ADCY1: variants seen among roughly 807,000 people sequenced by gnomAD.
ADCY1 encodes adenylate cyclase 1, also known as adenylate cyclase type 1.
In ADCY1, 28 loss-of-function variants were observed where a neutral mutation model predicts 105.4. That is an observed-to-expected ratio of 0.27 (90% CI 0.20 to 0.36). ADCY1 has a LOEUF of 0.36. Ranked by LOEUF, ADCY1 falls within the 10% of genes least tolerant of loss-of-function variation. The pLI is 1.00. For synonymous variants in ADCY1, 655 were observed against 623.8 expected (o/e 1.05, Z -0.75); for missense variants, 977 against 1,434.2 (o/e 0.68, Z 5.15).
intron 11 of ADCY1, among the ~76,000 whole-genome samples, chr7:45,683,104 G>C (rs561376394): frequency 1.3e-5 from 2 of 152,154 alleles, no homozygotes; most frequent in Admixed American, 6.5e-5. Flanking sequence ...AATGACTGGT[G>C]TCCACAGTAG....
chr7:45,628,794 G>A (rs868466955), intron 4 of ADCY1, among the ~76,000 whole-genome samples: 5 of 152,122 alleles, frequency 3.3e-5, no homozygotes, highest in South Asian at 2.1e-4. Flanking sequence ...CCGATAATGC[G>A]TGTGAGTTCT....
At chr7:45,628,984 T>C (rs545986634) in intron 4 of ADCY1, among the ~76,000 whole-genome samples, 44 of 152,318 alleles carry the variant, frequency 2.9e-4, no homozygotes, top group Admixed American at 6.5e-4. Context: ...GAGCTGCATA[T>C]GTGTACGGTT....
In ADCY1 at chr7:45,622,611, TG is replaced by T; in HGVS notation, c.909-19del. On this transcript the variant is annotated intron_variant, in intron 3 of 19. Transcript: ENST00000297323. ...CTGAGTGACTGGGAGAAGGGCAGCCTGGCACCCCTTTCTCTTGCAGCATCCT... is the reference window on the plus strand; with the variant it reads ...CTGAGTGACTGGGAGAAGGGCAGCCTGCACCCCTTTCTCTTGCAGCATCCT... 6.3e-7 allele frequency: 1 copy of T among 1,581,662 alleles called. No homozygotes were observed. The highest frequency in any genetic ancestry group is 8.7e-7 in the Non-Finnish European group (1 of 1,150,976).
intron 2 of ADCY1, among the ~76,000 whole-genome samples, chr7:45,604,587 C>A (rs1297425860): frequency 6.6e-6 from 1 of 152,098 alleles, no homozygotes; most frequent in African/African-American, 2.4e-5. Flanking sequence ...ACTACCCTTC[C>A]TCCATTGAAT....
In ADCY1 at chr7:45,598,878, C is replaced by A. The variant is rs540890905; in HGVS notation, c.789+5970C>A. The stretch of plus-strand genomic sequence containing the variant: ...ACGGAGCTCGGATTCCCACATCTCA[C>A]AAAGGCCTGTCACGTGGACGGCAGG... On this transcript the variant is annotated intron_variant, in intron 2 of 19. Transcript: ENST00000297323. Among the ~76,000 whole-genome samples the A allele has an allele frequency of 2.0e-5, 3 of 152,324 alleles. No homozygotes were observed. In the East Asian group the frequency reaches 5.8e-4, roughly 29 times the overall value.
intron 5 of ADCY1, among the ~76,000 whole-genome samples, chr7:45,651,014 C>T (rs921443278): frequency 6.6e-5 from 10 of 152,138 alleles, no homozygotes; most frequent in Non-Finnish European, 7.4e-5. Context: ...GGATTTGGTG[C>T]CTTCAGCTCC....
intron 1 of ADCY1, among the ~76,000 whole-genome samples, chr7:45,590,041 G>T (rs76997169): frequency 0.041 from 6,247 of 152,218 alleles, 205 homozygotes; most frequent in East Asian, 0.17. Context: ...TCTGAGAAAG[G>T]GTTCCTTGGG....
At chr7:45,664,358 G>A (rs1444496257) in intron 8 of ADCY1, 3 of 1,535,946 alleles carry the variant, frequency 2.0e-6, no homozygotes, top group Admixed American at 2.0e-5. Flanking sequence ...CCTGCAACGG[G>A]GACGACTGTG....
chr7:45,714,009 G>A lies in ADCY1; in HGVS notation c.*14G>A, dbSNP rs1584350945. 1 of 764,008 alleles carries A rather than the reference G, an allele frequency of 1.3e-6. No homozygotes were observed. Among genetic ancestry groups the A allele is most frequent in the South Asian group, 1.4e-5 (1 of 73,214 alleles). 47.3% of individuals were successfully genotyped at this position (764,008 alleles called of 1,614,324 possible). On this transcript the variant is annotated 3_prime_UTR_variant, in exon 20 of 20. Coordinates refer to ENST00000297323, the MANE Select transcript of ADCY1 (RefSeq NM_021116.4). ...AAGGAGGCTTAGTGGAGCCCACGTG[G>A]GCCTCTGGGGTGCACATGGGGTGGG... is the stretch of plus-strand genomic sequence containing the variant.
At chr7:45,576,833 G>A (rs1792363528) in intron 1 of ADCY1, among the ~76,000 whole-genome samples, 1 of 151,992 alleles carries the variant, frequency 6.6e-6, no homozygotes, top group South Asian at 2.1e-4. Context: ...TTGGTCCCTG[G>A]GCAGGCCCAG....
At chr7:45,698,001 A>G (rs1357171867) in intron 14 of ADCY1, among the ~76,000 whole-genome samples, 1 of 152,164 alleles carries the variant, frequency 6.6e-6, no homozygotes, top group Non-Finnish European at 1.5e-5. Context: ...TGACATCACC[A>G]CAGCCTCATT....
chr7:45,595,148 T>C (rs1003474281), intron 2 of ADCY1, among the ~76,000 whole-genome samples: 41 of 152,202 alleles, frequency 2.7e-4, no homozygotes, highest in African/African-American at 8.7e-4. Context: ...GTTTCTGAGG[T>C]ATTTTCCCAA....
Position 45,657,820 on chromosome 7 carries a change from G to A in ADCY1, c.1242G>A (p.Trp414Ter). The A allele has an allele frequency of 6.2e-7, 1 of 1,603,764 alleles. No homozygotes were observed. Among genetic ancestry groups the A allele is most frequent in the Non-Finnish European group, 8.5e-7 (1 of 1,174,212 alleles). The change falls in exon 6 of 20, where the codon TGG becomes TGA. Residue 414 changes from tryptophan (W) to a stop codon, truncating the protein, a stop_gained. Transcript: ENST00000297323. LOFTEE classifies it high-confidence loss of function. ...GTGGTGTCCTGGGCTTGCGCAAGTGGCAGTACGACGTGTGGTCCAATGATG... is the reference window on the plus strand; with the variant it reads ...GTGGTGTCCTGGGCTTGCGCAAGTGACAGTACGACGTGTGGTCCAATGATG... Reference protein sequence around the residue: ...VLCGVLGLRKWQYDVWSNDVT... With the variant: ...VLCGVLGLRK
intron 2 of ADCY1, 23 bp from the exon 3 acceptor site, chr7:45,610,356 C>G (rs1793499870): frequency 6.2e-7 from 1 of 1,605,360 alleles, no homozygotes; most frequent in African/African-American, 1.3e-5. Context: ...GCTGTCTAAC[C>G]CGGGCCCTTC....
chr7:45,704,706 GT>G lies in ADCY1; in HGVS notation c.2817+93del, dbSNP rs1785075020. The G allele has an allele frequency of 5.9e-6, 6 of 1,025,244 alleles. No individual in the cohort carries two copies. In the Admixed American group the frequency reaches 8.3e-5, roughly 14 times the overall value. The allele number at this position is 1,025,244 out of a possible 1,614,324, so 63.5% of individuals were successfully genotyped here. ...GACCCTGGGTAGCTTCCACACTGGG[GT>G]TTGTTTGCCCTCTGTGTTGGATTAC... On this transcript the variant is annotated intron_variant, in intron 17 of 19. Coordinates refer to ENST00000297323, the MANE Select transcript of ADCY1 (RefSeq NM_021116.4).
intron 5 of ADCY1, among the ~76,000 whole-genome samples, chr7:45,655,862 GT>G (rs1794926257): frequency 6.6e-6 from 1 of 152,074 alleles, no homozygotes; most frequent in Non-Finnish European, 1.5e-5. Context: ...AACGTTATTA[GT>G]ATGTTATGTT....
intron 14 of ADCY1, among the ~76,000 whole-genome samples, chr7:45,689,866 G>A (rs940494564): frequency 6.6e-5 from 10 of 152,212 alleles, no homozygotes; most frequent in African/African-American, 2.4e-4. Flanking sequence ...ATGAGGGATG[G>A]GGTTGAGGGG....
chr7:45,714,036 A>G lies in ADCY1; in HGVS notation c.*41A>G. ...CCTCTGGGGTGCACATGGGGTGGGA[A>G]TGCTCCGGGGGTGACACAGGCCACG... On this transcript the variant is annotated 3_prime_UTR_variant, in exon 20 of 20. Transcript: ENST00000297323. The G allele has an allele frequency of 1.4e-6, 1 of 736,110 alleles. No homozygotes were observed. The highest frequency in any genetic ancestry group is 2.5e-6 in the Non-Finnish European group (1 of 394,984). 45.6% of individuals were successfully genotyped at this position (736,110 alleles called of 1,614,324 possible).
chr7:45,604,699 A>G (rs1393580786), intron 2 of ADCY1, among the ~76,000 whole-genome samples: 1 of 152,212 alleles, frequency 6.6e-6, no homozygotes, highest in African/African-American at 2.4e-5. Context: ...CTGGCAACCC[A>G]CGTCACACTG....
Sources: gnomAD v4.1 joint callset for allele counts (sites outside exome capture counted in the v4.1 genomes callset) on GRCh38, gnomAD v4.1.1 for gene constraint, MANE v1.5 for transcripts, NCBI Gene and HGNC (gene_info 2026-07-23, HGNC 2026-07-21) for gene names.